INTS9: variants seen among roughly 807,000 people sequenced by gnomAD.
INTS9 encodes integrator complex subunit 9.
In INTS9, 55 loss-of-function variants were observed where a neutral mutation model predicts 79.7. The observed-to-expected ratio is 0.69, with a 90% CI of 0.56 to 0.86. The LOEUF (loss-of-function observed/expected upper bound fraction) is 0.86, where lower values mean the gene tolerates loss of function less well. INTS9 is among the 40% of genes least tolerant of loss of function. The probability of loss-of-function intolerance (pLI) is 0.00; values close to 1 mark genes in which losing one functional copy is unlikely to be tolerated. For missense variants in INTS9, 721 were observed against 831.5 expected (o/e 0.87, Z 1.64); for synonymous variants, 319 against 325.2 (o/e 0.98, Z 0.20).
At chr8:28,816,554 TG>T (rs1489188220) in intron 6 of INTS9, among the ~76,000 whole-genome samples, 1 of 149,962 alleles carries the variant, frequency 6.7e-6, no homozygotes, top group East Asian at 2.0e-4. Context: ...AGTCTATCAT[TG>T]TTGGACATTT....
chr8:28,799,646 T>C (rs1804413933), intron 8 of INTS9, among the ~76,000 whole-genome samples: 1 of 152,208 alleles, frequency 6.6e-6, no homozygotes, highest in Admixed American at 6.5e-5. Context: ...AGATTACTGG[T>C]GTCAATGACC....
intron 6 of INTS9, among the ~76,000 whole-genome samples, chr8:28,817,661 C>G (rs1031348035): frequency 1.3e-5 from 2 of 151,462 alleles, no homozygotes; most frequent in Admixed American, 6.6e-5. Context: ...TCCATATGAA[C>G]TTTAAAGTAG....
chr8:28,770,119 T>A, intron 15 of INTS9, 93 bp from the exon 16 acceptor site: 1 of 1,473,378 alleles, frequency 6.8e-7, no homozygotes. Flanking sequence ...TATCCTGTCC[T>A]CACAGGCCAC....
At chr8:28,884,672 T>C (rs1190350391) in intron 1 of INTS9, among the ~76,000 whole-genome samples, 1 of 152,160 alleles carries the variant, frequency 6.6e-6, no homozygotes, top group East Asian at 1.9e-4. Flanking sequence ...AAAAACCTAT[T>C]GAGGTTATGA....
At chr8:28,835,916 C>A (rs1201855349) in intron 5 of INTS9, among the ~76,000 whole-genome samples, 1 of 152,002 alleles carries the variant, frequency 6.6e-6, no homozygotes, top group African/African-American at 2.4e-5. Flanking sequence ...TCAAGGGATT[C>A]TCCTGCCTCA....
chr8:28,874,989 G>A (rs1179522888), intron 1 of INTS9, among the ~76,000 whole-genome samples: 2 of 152,156 alleles, frequency 1.3e-5, no homozygotes, highest in African/African-American at 2.4e-5. Context: ...ATCTTACATG[G>A]ATGTCAGCAG....
intron 10 of INTS9, among the ~76,000 whole-genome samples, chr8:28,792,225 C>T (rs1803954894): frequency 6.6e-6 from 1 of 152,040 alleles, no homozygotes; most frequent in Non-Finnish European, 1.5e-5. Flanking sequence ...ATAAATAGTA[C>T]TTGGACAGGT....
chr8:28,795,379 C>T (rs1267662219), intron 9 of INTS9, among the ~76,000 whole-genome samples: 1 of 152,158 alleles, frequency 6.6e-6, no homozygotes, highest in Non-Finnish European at 1.5e-5. Flanking sequence ...TGGTGGCTCA[C>T]ACCTGTAATC....
intron 4 of INTS9, among the ~76,000 whole-genome samples, chr8:28,844,003 T>G (rs1807348646): frequency 6.6e-6 from 1 of 152,204 alleles, no homozygotes; most frequent in African/African-American, 2.4e-5. Flanking sequence ...AGATCACTCT[T>G]TACTGCAATA....
chr8:28,794,921 T>C (rs1006601874), intron 9 of INTS9, among the ~76,000 whole-genome samples: 1 of 152,192 alleles, frequency 6.6e-6, no homozygotes, highest in African/African-American at 2.4e-5. Flanking sequence ...TAAAGTTCTT[T>C]GAGTCTGTGA....
intron 1 of INTS9, among the ~76,000 whole-genome samples, chr8:28,861,013 G>A (rs1202244957): frequency 2.6e-5 from 4 of 152,208 alleles, no homozygotes; most frequent in Non-Finnish European, 4.4e-5. Flanking sequence ...CCAAGAAGTT[G>A]TATTTTGCAA....
intron 8 of INTS9, among the ~76,000 whole-genome samples, chr8:28,807,116 A>T (rs1804858333): frequency 6.6e-6 from 1 of 152,222 alleles, no homozygotes; most frequent in Non-Finnish European, 1.5e-5. Flanking sequence ...ATTTAGAATG[A>T]AAACAGACTT....
At chr8:28,866,941 C>G (rs936056657) in intron 1 of INTS9, among the ~76,000 whole-genome samples, 6 of 150,954 alleles carry the variant, frequency 4.0e-5, no homozygotes, top group African/African-American at 1.2e-4. Context: ...CACCACTGCA[C>G]TCCAGCCTGG....
intron 8 of INTS9, chr8:28,798,260 G>GT (rs1804329158): frequency 6.6e-6 from 1 of 152,262 alleles, no homozygotes; most frequent in African/African-American, 2.4e-5. Context: ...CAGCAGATGT[G>GT]TAAGGGGCCT....
rs1585529104 is a variant in INTS9, at chr8:28,879,770, G to A, written c.9+10104C>T. ...AACTGATATATGCTACCACATGAAC[G>A]AACTTCAGAAACATTACACCAAATG... On this transcript the variant is annotated intron_variant, in intron 1 of 16. Transcript: ENST00000521022. Among the ~76,000 whole-genome samples the A allele has an allele frequency of 2.6e-5, 4 of 152,170 alleles. No homozygotes were observed. In the South Asian group the frequency reaches 8.3e-4, roughly 32 times the overall value.
chr8:28,887,232 T>C (rs1251523135), intron 1 of INTS9, among the ~76,000 whole-genome samples: 4 of 152,164 alleles, frequency 2.6e-5, no homozygotes, highest in Admixed American at 2.6e-4. Flanking sequence ...CCAAGTTAAG[T>C]GTAGGAGGTT....
chr8:28,770,829 C>T (rs1017071621), intron 15 of INTS9, among the ~76,000 whole-genome samples, 153 bp downstream of exon 15: 1 of 152,256 alleles, frequency 6.6e-6, no homozygotes, highest in Admixed American at 6.5e-5. Context: ...GCGGCCTCAT[C>T]TCTGGGCACA....
chr8:28,876,088 G>C (rs1809370366), intron 1 of INTS9, among the ~76,000 whole-genome samples: 1 of 152,116 alleles, frequency 6.6e-6, no homozygotes, highest in Admixed American at 6.5e-5. Context: ...GTGTGTGTGG[G>C]TGGCCATTAC....
rs190888209 is a variant in INTS9, at chr8:28,775,990, C to T, written c.1396-64G>A. On this transcript the variant is annotated intron_variant, in intron 13 of 16. Transcript: ENST00000521022. ...AGTACAGTGGCCCCTGTGGAAGGCC[C>T]ATTCCTGACCCCGATCCACTCCCCG... 2.3e-5 allele frequency: 30 copies of T among 1,306,856 alleles called. No individual in the cohort carries two copies. The African/African-American group carries it at 4.1e-4, about 18-fold the overall frequency. The allele number at this position is 1,306,856 out of a possible 1,614,324, so 81.0% of individuals were successfully genotyped here.
Sources: allele counts gnomAD v4.1 joint callset (sites outside exome capture counted in the v4.1 genomes callset), GRCh38; gene constraint gnomAD v4.1.1; transcripts MANE v1.5; gene names NCBI Gene and HGNC (gene_info 2026-07-23, HGNC 2026-07-21).